The following OSBPL2 variants were observed in gnomAD, a reference collection of about 807,000 sequenced individuals.
OSBPL2 encodes the protein oxysterol-binding protein-related protein 2.
OSBPL2 carries 18 observed loss-of-function variants against 58.4 expected under a neutral mutation model. That is an observed-to-expected ratio of 0.31 (90% CI 0.21 to 0.46). The LOEUF is 0.46. Ranked by LOEUF, OSBPL2 falls within the 20% of genes least tolerant of loss-of-function variation. The pLI is 1.00. For missense variants in OSBPL2, 461 were observed against 616.5 expected, an observed-to-expected ratio of 0.75 and a Z score of 2.67; for synonymous variants, 221 against 234.1, an observed-to-expected ratio of 0.94 and a Z score of 0.51.
chr20:62,284,040 T>G lies in OSBPL2; in HGVS notation c.873-6T>G. On this transcript the variant is annotated splice_region_variant and splice_polypyrimidine_tract_variant and intron_variant, in intron 9 of 13. Coordinates refer to ENST00000313733, the MANE Select transcript of OSBPL2 (RefSeq NM_144498.4). ...ACTTGTCTTTAAAAATCCCATTTAA[T>G]TACAGCAAAAAGAAGCTCTTTATGA... 1 of 1,609,100 alleles carries G rather than the reference T, an allele frequency of 6.2e-7. No homozygotes were observed. Among genetic ancestry groups the G allele is most frequent in the Non-Finnish European group, 8.5e-7 (1 of 1,176,578 alleles).
At chr20:62,278,982 A>G (rs1982601184) in intron 6 of OSBPL2, 175 bp from the exon 7 acceptor site, 3 of 579,470 alleles carry the variant, frequency 5.2e-6, no homozygotes, top group South Asian at 2.2e-5. Context: ...TCTGTTGCCA[A>G]CGTTAGGCCA....
rs1186539731 is a variant in OSBPL2 at position 62,272,204 on chromosome 20, AC to A, written c.339del (p.His113GlnfsTer50). The A allele has an allele frequency of 6.2e-7, 1 of 1,613,778 alleles. No individual in the cohort carries two copies. Among genetic ancestry groups the A allele is most frequent in the East Asian group, 2.2e-5 (1 of 44,856 alleles). On this transcript the variant is annotated frameshift_variant, in exon 5 of 14. Coordinates refer to ENST00000313733, the MANE Select transcript of OSBPL2 (RefSeq NM_144498.4). LOFTEE classifies it high-confidence loss of function. ...CAGCGGATCACGGAGTACATGGAGC[AC>A]GTGTACCTCATCCACAGGGCCTCCT... ...FLQRITEYME[H>X]VYLIHRASCQ... is the part of the protein sequence containing the mutation.
Position 62,280,153 on chromosome 20 carries a change from T to G in OSBPL2, c.674+814T>G, listed in dbSNP as rs78662138. On this transcript the variant is annotated intron_variant, in intron 7 of 13. Transcript: ENST00000313733. Reference sequence around the variant, plus strand: ...TCTTGCCAAGCCACTGCCTGCAGTCTTGTTGTAGGCAGCAGGTCCTAACAA... The same window carrying G: ...TCTTGCCAAGCCACTGCCTGCAGTCGTGTTGTAGGCAGCAGGTCCTAACAA... 2.2e-3 allele frequency: 2,860 copies of G among 1,279,972 alleles called. 58 individuals carry two copies. In the African/African-American group the frequency reaches 0.041, roughly 18 times the overall value. 79.3% of individuals were successfully genotyped at this position (1,279,972 alleles called of 1,614,324 possible). A position where few individuals can be genotyped will look rare whatever the true frequency, so the allele number is the denominator to read the frequency against.
intron 1 of OSBPL2, among the ~76,000 whole-genome samples, chr20:62,248,006 T>C (rs967510460): frequency 1.3e-5 from 2 of 152,254 alleles, no homozygotes; most frequent in Admixed American, 6.5e-5. Flanking sequence ...TTGTTAATAG[T>C]GGGAACGTTT....
chr20:62,292,873 C>A (rs541677422), intron 13 of OSBPL2, among the ~76,000 whole-genome samples: 25 of 147,002 alleles, frequency 1.7e-4, no homozygotes, highest in East Asian at 6.2e-4. Flanking sequence ...AAATAGTTAA[C>A]CTTTCCTCAT....
intron 4 of OSBPL2, among the ~76,000 whole-genome samples, chr20:62,264,082 GA>G (rs1271707870): frequency 1.7e-4 from 23 of 135,094 alleles, no homozygotes; most frequent in East Asian, 1.1e-3. Flanking sequence ...AAAAAAAAAA[GA>G]AAAAAAATGC....
At chr20:62,275,423 A>G (rs1982326121) in intron 6 of OSBPL2, among the ~76,000 whole-genome samples, 1 of 149,386 alleles carries the variant, frequency 6.7e-6, no homozygotes, top group African/African-American at 2.5e-5. Flanking sequence ...TTTTGAGACG[A>G]GGTCTCACTC....
intron 13 of OSBPL2, among the ~76,000 whole-genome samples, chr20:62,293,035 ATT>A (rs1306946289): frequency 6.9e-6 from 1 of 144,894 alleles, no homozygotes. Flanking sequence ...CGCCTGGCTA[ATT>A]TTTTTTTTTT....
chr20:62,279,057 C>T, intron 6 of OSBPL2, 100 bp from the exon 7 acceptor site: 1 of 1,010,726 alleles, frequency 9.9e-7, no homozygotes, highest in South Asian at 1.6e-5. Context: ...AGGGCCCCTG[C>T]TTCCCAGCGT....
intron 9 of OSBPL2, 113 bp from the exon 10 acceptor site, chr20:62,283,933 C>G (rs1982949529): frequency 9.3e-7 from 1 of 1,079,468 alleles, no homozygotes; most frequent in African/African-American, 1.6e-5. Context: ...CAGAGATGTC[C>G]CAAGATGCAT....
chr20:62,241,606 G>A (rs886399760), intron 1 of OSBPL2, among the ~76,000 whole-genome samples: 4 of 152,378 alleles, frequency 2.6e-5, no homozygotes, highest in East Asian at 1.9e-4. Context: ...GCATCTTTGC[G>A]AAGGTGGTGC....
At chr20:62,259,779 T>C (rs1009439706) in intron 2 of OSBPL2, among the ~76,000 whole-genome samples, 9 of 152,010 alleles carry the variant, frequency 5.9e-5, no homozygotes, top group Non-Finnish European at 1.3e-4. Context: ...GAGCGCGTTC[T>C]TAGGAGGGAA....
At chr20:62,271,049 CCTT>C (rs1342213506) in intron 4 of OSBPL2, among the ~76,000 whole-genome samples, 1 of 151,272 alleles carries the variant, frequency 6.6e-6, no homozygotes, top group East Asian at 2.0e-4. Flanking sequence ...CTGGTCCTCT[CCTT>C]CTCTCCTTGT....
chr20:62,260,020 C>G lies in OSBPL2; in HGVS notation c.77C>G (p.Ala26Gly). 6.2e-7 allele frequency: 1 copy of G among 1,613,762 alleles called. No individual in the cohort carries two copies. The highest frequency in any genetic ancestry group is 8.5e-7 in the Non-Finnish European group (1 of 1,179,748). ...SDNSSGEFSE[A>G]NQKVTGMIDL... ...AACTCTTCTGGGGAATTTTCAGAGG[C>G]AAATCAGAAAGTCACGGGAATGATT... Residue 26 changes from alanine to glycine, a missense_variant, in exon 3 of 14, where the codon GCA (alanine) becomes GGA (glycine). This residue lies in a region of OSBPL2 where 80 missense variants were observed against 74.8 expected (regional missense o/e 1.07). Transcript: ENST00000313733.
chr20:62,245,823 T>G (rs1980068463), intron 1 of OSBPL2, among the ~76,000 whole-genome samples: 1 of 152,260 alleles, frequency 6.6e-6, no homozygotes, highest in Non-Finnish European at 1.5e-5. Context: ...ATGACTTGTT[T>G]ATTTGGTTCT....
intron 1 of OSBPL2, among the ~76,000 whole-genome samples, chr20:62,251,037 ATTTTTTT>A (rs35328509): frequency 5.1e-5 from 5 of 97,808 alleles, no homozygotes; most frequent in East Asian, 2.8e-4. Flanking sequence ...AGAGCAATAG[ATTTTTTT>A]TTTTTTTTTT....
chr20:62,262,379 CTCT>C (rs1483458908), intron 3 of OSBPL2, among the ~76,000 whole-genome samples: 1 of 152,196 alleles, frequency 6.6e-6, no homozygotes, highest in Non-Finnish European at 1.5e-5. Context: ...GGCCTCTTTT[CTCT>C]TCTTTCATGT....
chr20:62,257,714 C>T (rs1005982626), intron 2 of OSBPL2, among the ~76,000 whole-genome samples: 1 of 148,600 alleles, frequency 6.7e-6, no homozygotes, highest in Admixed American at 6.7e-5. Context: ...TACCTCTGGC[C>T]ATTTTTTTTT....
Position 62,286,759 on chromosome 20 carries a change from C to G in OSBPL2, c.1125+48C>G, listed in dbSNP as rs749255447. On this transcript the variant is annotated intron_variant, in intron 11 of 13. Transcript: ENST00000313733. ...ACGTCTCTGCCTGCTCATGTCACAC[C>G]CACCTCTGGGCCCAGCCCCACGGCT... 1.9e-6 allele frequency: 3 copies of G among 1,579,016 alleles called. No individual in the cohort carries two copies. In the Admixed American group the frequency reaches 5.1e-5, roughly 27 times the overall value.
Sources: gnomAD v4.1 joint callset for allele counts (sites outside exome capture counted in the v4.1 genomes callset) on GRCh38, gnomAD v4.1.1 for gene constraint, gnomAD v4.1.1 regional missense constraint, MANE v1.5 for transcripts, NCBI Gene and HGNC (gene_info 2026-07-23, HGNC 2026-07-21) for gene names.